Variants in PLEKHA8 observed in about 807,000 individuals in gnomAD.
PLEKHA8 encodes the protein pleckstrin homology domain-containing family A member 8.
Under a neutral mutation model 68.2 loss-of-function variants are expected in PLEKHA8, and 36 were observed. The ratio of observed to expected loss-of-function variants is 0.53; its 90% CI spans 0.40 to 0.70. The LOEUF (loss-of-function observed/expected upper bound fraction) is 0.70. PLEKHA8 is among the 30% of genes least tolerant of loss of function. The pLI, the probability that PLEKHA8 is intolerant of heterozygous loss-of-function variation, is 0.00. For missense variants in PLEKHA8, 505 were observed against 615.4 expected (o/e 0.82, Z 1.90); for synonymous variants, 211 against 216.1 (o/e 0.98, Z 0.20).
chr7:30,059,897 C>G (rs1793300640), intron 9 of PLEKHA8, among the ~76,000 whole-genome samples: 1 of 152,138 alleles, frequency 6.6e-6, no homozygotes, highest in Non-Finnish European at 1.5e-5. Flanking sequence ...ATAAAAGAAT[C>G]ATTGGGCCGG....
At chr7:30,049,569 A>G in intron 5 of PLEKHA8, 187 bp downstream of exon 5, 1 of 665,966 alleles carries the variant, frequency 1.5e-6, no homozygotes, top group Non-Finnish European at 2.4e-6. Context: ...TGGCAATTTT[A>G]CCACCTAAAC....
chr7:30,060,147 G>T (rs1219480486), intron 9 of PLEKHA8, among the ~76,000 whole-genome samples: 2 of 133,072 alleles, frequency 1.5e-5, no homozygotes, highest in Admixed American at 7.5e-5. Context: ...CCAGAAAAAA[G>T]AATCATTAAT....
intron 1 of PLEKHA8, among the ~76,000 whole-genome samples, chr7:30,035,172 AG>A (rs1790973858): frequency 1.3e-5 from 2 of 152,190 alleles, no homozygotes; most frequent in Admixed American, 6.5e-5. Flanking sequence ...GAGAGCCCTG[AG>A]TTTGAACTTT....
In PLEKHA8 at chr7:30,081,421, C is replaced by T. The variant is rs143071187; in HGVS notation, c.*2634C>T. 39 of 984,642 alleles carry T rather than the reference C, an allele frequency of 4.0e-5. No homozygotes were observed. The African/African-American group carries it at 5.6e-4, about 14-fold the overall frequency. The allele number at this position is 984,642 out of a possible 1,614,324, so 61.0% of individuals were successfully genotyped here. On this transcript the variant is annotated 3_prime_UTR_variant, in exon 14 of 14. Transcript: ENST00000449726. ...AACAGTAAATTCAGCTTAACCTGAA[C>T]CTTGGCATAGTCAGAGCTTCCTCCT...
Position 30,082,686 on chromosome 7 carries a change from TAAGTA to T in PLEKHA8, c.*3905_*3909del, listed in dbSNP as rs1054039644. On this transcript the variant is annotated 3_prime_UTR_variant, in exon 14 of 14. Coordinates refer to ENST00000449726, the MANE Select transcript of PLEKHA8 (RefSeq NM_001197026.2). ...TTAAAAATATGTGATAGGGACCAAATAAGTAAAGTACATTTTTCTCCACTAAATTT... is the reference window on the plus strand; with the variant it reads ...TTAAAAATATGTGATAGGGACCAAATAAGTACATTTTTCTCCACTAAATTT... 8.1e-6 allele frequency: 8 copies of T among 984,890 alleles called. No homozygotes were observed. The African/African-American group carries it at 1.0e-4, about 13-fold the overall frequency. The allele number at this position is 984,890 out of a possible 1,614,324, so 61.0% of individuals were successfully genotyped here. A position where few individuals can be genotyped will look rare whatever the true frequency, so the allele number is the denominator to read the frequency against.
intron 13 of PLEKHA8, among the ~76,000 whole-genome samples, chr7:30,075,438 A>G (rs897045914): frequency 6.6e-6 from 1 of 152,148 alleles, no homozygotes; most frequent in Non-Finnish European, 1.5e-5. Context: ...AATTCTCAGG[A>G]TTAACTCCCA....
chr7:30,109,851 A>T (rs1796211716), intron 13 of PLEKHA8, among the ~76,000 whole-genome samples: 1 of 151,630 alleles, frequency 6.6e-6, no homozygotes, highest in Admixed American at 6.6e-5. Context: ...TTTAAATTTT[A>T]TGTAGAGATG....
At chr7:30,077,347 C>A (rs1363979174) in intron 13 of PLEKHA8, among the ~76,000 whole-genome samples, 1 of 152,138 alleles carries the variant, frequency 6.6e-6, no homozygotes, top group Non-Finnish European at 1.5e-5. Context: ...AGACTCCTAT[C>A]CTCCAGTTCT....
At chr7:30,112,548 A>G (rs891291023) in intron 13 of PLEKHA8, among the ~76,000 whole-genome samples, 1 of 152,026 alleles carries the variant, frequency 6.6e-6, no homozygotes, top group Non-Finnish European at 1.5e-5. Context: ...TTAACTGCAC[A>G]CATTCAAAAA....
intron 12 of PLEKHA8, among the ~76,000 whole-genome samples, chr7:30,068,048 A>G (rs546767595): frequency 5.3e-5 from 8 of 152,352 alleles, no homozygotes; most frequent in African/African-American, 1.9e-4. Flanking sequence ...CTGGCTGTCT[A>G]CAGACTGGTA....
At chr7:30,029,032 A>G (rs1340508573) in intron 1 of PLEKHA8, among the ~76,000 whole-genome samples, 1 of 152,206 alleles carries the variant, frequency 6.6e-6, no homozygotes, top group Non-Finnish European at 1.5e-5. Flanking sequence ...TTTCGCTTCA[A>G]GGAAGGCTAC....
chr7:30,113,140 T>G (rs1796325333), intron 13 of PLEKHA8, among the ~76,000 whole-genome samples: 1 of 152,204 alleles, frequency 6.6e-6, no homozygotes, highest in African/African-American at 2.4e-5. Flanking sequence ...CAGTGGTTGC[T>G]CTGGTTTACC....
At position 30,064,593 on chromosome 7, in the gene PLEKHA8, T is replaced by G. The variant is rs550454477; in HGVS notation, c.1300+1851T>G. ...AAAAACAATGCTCAGTCGTCAAGATTAGCATCTATTGTTGTGATAATGATG... is the reference window on the plus strand; with the variant it reads ...AAAAACAATGCTCAGTCGTCAAGATGAGCATCTATTGTTGTGATAATGATG... On this transcript the variant is annotated intron_variant, in intron 12 of 13. Transcript: ENST00000449726. Among the ~76,000 whole-genome samples, 3 of 152,234 alleles carry G rather than the reference T, an allele frequency of 2.0e-5. No homozygotes were observed. The South Asian group carries it at 6.2e-4, about 32-fold the overall frequency.
chr7:30,101,911 A>G (rs1795867168), intron 13 of PLEKHA8, among the ~76,000 whole-genome samples: 1 of 152,242 alleles, frequency 6.6e-6, no homozygotes, highest in Non-Finnish European at 1.5e-5. Flanking sequence ...CATGAACAAC[A>G]AAAGAAAATA....
chr7:30,053,523 G>T (rs1047692896), intron 7 of PLEKHA8, among the ~76,000 whole-genome samples: 1 of 152,208 alleles, frequency 6.6e-6, no homozygotes, highest in Non-Finnish European at 1.5e-5. Flanking sequence ...TGTGGGAGTT[G>T]AGGGAAGGAG....
chr7:30,029,700 T>G (rs1159177533), intron 1 of PLEKHA8, among the ~76,000 whole-genome samples: 1 of 152,238 alleles, frequency 6.6e-6, no homozygotes, highest in East Asian at 1.9e-4. Context: ...GCAGTGTGTT[T>G]GAAAGCAGAA....
At position 30,079,602 on chromosome 7, in the gene PLEKHA8, G is replaced by A. The variant is rs1322361423; in HGVS notation, c.*815G>A. 7 of 765,954 alleles carry A rather than the reference G, an allele frequency of 9.1e-6. No homozygotes were observed. Among genetic ancestry groups the A allele is most frequent in the Non-Finnish European group, 1.1e-5 (7 of 630,110 alleles). The allele number at this position is 765,954 out of a possible 1,614,324, so 47.4% of individuals were successfully genotyped here. ...ATTATTACTCCACTTCAAAAGCAAG[G>A]TTTAGAAGTTGAGGGATCTGTTCAC... is the stretch of plus-strand genomic sequence containing the variant. On this transcript the variant is annotated 3_prime_UTR_variant, in exon 14 of 14. Transcript: ENST00000449726.
In PLEKHA8 at chr7:30,063,645, C is replaced by G. The variant is rs1160451003; in HGVS notation, c.1300+903C>G. Among the ~76,000 whole-genome samples the G allele has an allele frequency of 2.0e-5, 3 of 152,152 alleles. No individual in the cohort carries two copies. In the East Asian group the frequency reaches 5.8e-4, roughly 29 times the overall value. On this transcript the variant is annotated intron_variant, in intron 12 of 13. Transcript: ENST00000449726. ...CCATGAGTCCTCAAGAATTCTGCCC[C>G]CACGTGATTTCCCGAGTCTGCCCCA...
intron 13 of PLEKHA8, among the ~76,000 whole-genome samples, chr7:30,106,860 G>A (rs932491820): frequency 1.3e-4 from 20 of 152,248 alleles, no homozygotes; most frequent in South Asian, 4.1e-4. Context: ...GGGAGGATGC[G>A]CATAGGTTAC....
Sources: allele counts gnomAD v4.1 joint callset (sites outside exome capture counted in the v4.1 genomes callset), GRCh38; gene constraint gnomAD v4.1.1; transcripts MANE v1.5; gene names NCBI Gene and HGNC (gene_info 2026-07-23, HGNC 2026-07-21).